The following GAS2 variants were observed in gnomAD, a reference collection of about 807,000 sequenced individuals.
GAS2 encodes the protein growth arrest-specific protein 2.
In GAS2, 20 loss-of-function variants were observed where a neutral mutation model predicts 37.5. The ratio of observed to expected loss-of-function variants is 0.53; its 90% confidence interval spans 0.37 to 0.77. The LOEUF (loss-of-function observed/expected upper bound fraction) is 0.77, where lower values mean the gene tolerates loss of function less well. Among genes scored for constraint, GAS2 ranks in the 30% least tolerant of loss-of-function variants. The pLI is 0.00. For synonymous variants in GAS2, 144 were observed against 132.2 expected (o/e 1.09, Z -0.61); for missense variants, 336 against 373.4 (o/e 0.90, Z 0.82).
At chr11:22,753,591 T>C (rs1433496752) in intron 6 of GAS2, among the ~76,000 whole-genome samples, 1 of 152,064 alleles carries the variant, frequency 6.6e-6, no homozygotes, top group East Asian at 1.9e-4. Context: ...CCAAGCATGA[T>C]CCTCCTAAAG....
chr11:22,774,538 A>G (rs1855153806), intron 7 of GAS2, among the ~76,000 whole-genome samples: 1 of 152,208 alleles, frequency 6.6e-6, no homozygotes, highest in Admixed American at 6.5e-5. Context: ...AACAACTCCT[A>G]GATTTTTTTG....
intron 7 of GAS2, among the ~76,000 whole-genome samples, chr11:22,789,454 A>ATATATTTTT (rs1564889924): frequency 4.9e-5 from 3 of 61,212 alleles, no homozygotes; most frequent in African/African-American, 1.7e-4. Flanking sequence ...ATATATATAT[A>ATATATTTTT]TTCTTTTTTT....
At chr11:22,674,220 T>A (rs928542692) in intron 1 of GAS2, among the ~76,000 whole-genome samples, 13 of 152,048 alleles carry the variant, frequency 8.5e-5, no homozygotes, top group Non-Finnish European at 1.3e-4. Context: ...TTTTTATTTT[T>A]TTTTTTTATT....
chr11:22,748,115 T>C (rs1397265853), intron 5 of GAS2, among the ~76,000 whole-genome samples: 3 of 152,132 alleles, frequency 2.0e-5, no homozygotes, highest in Non-Finnish European at 4.4e-5. Flanking sequence ...AAGTAGATAA[T>C]AGTAGATTAA....
chr11:22,784,342 C>T (rs1485158202), intron 7 of GAS2, among the ~76,000 whole-genome samples: 1 of 152,040 alleles, frequency 6.6e-6, no homozygotes, highest in African/African-American at 2.4e-5. Flanking sequence ...AGAAGGAAAG[C>T]TTTGGATTGA....
chr11:22,661,215 C>T (rs1488963186), intron 1 of GAS2, among the ~76,000 whole-genome samples: 1 of 152,174 alleles, frequency 6.6e-6, no homozygotes, highest in Admixed American at 6.5e-5. Flanking sequence ...ATTGTCTTTA[C>T]AGAGGGATCT....
At chr11:22,773,476 C>G (rs11026786) in intron 7 of GAS2, among the ~76,000 whole-genome samples, 70,002 of 146,812 alleles carry the variant, frequency 0.48, 18,465 homozygotes, top group South Asian at 0.62. Context: ...TCACTGCAAG[C>G]TCCGCCTCCC....
At chr11:22,668,710 C>A (rs1849085948) in intron 1 of GAS2, among the ~76,000 whole-genome samples, 1 of 152,150 alleles carries the variant, frequency 6.6e-6, no homozygotes, top group African/African-American at 2.4e-5. Flanking sequence ...AGAAATCTTA[C>A]TTCAAGACTG....
intron 1 of GAS2, among the ~76,000 whole-genome samples, chr11:22,638,271 A>G (rs761663529): frequency 1.3e-5 from 2 of 152,086 alleles, no homozygotes; most frequent in Non-Finnish European, 2.9e-5. Context: ...ATCTTGTCCA[A>G]TGGAATATTA....
At chr11:22,786,880 C>T (rs1855843140) in intron 7 of GAS2, among the ~76,000 whole-genome samples, 1 of 152,146 alleles carries the variant, frequency 6.6e-6, no homozygotes, top group Non-Finnish European at 1.5e-5. Context: ...ATCTCATTCT[C>T]ATAGTCACTA....
At chr11:22,693,598 A>AT (rs1346540913) in intron 3 of GAS2, among the ~76,000 whole-genome samples, 2 of 152,182 alleles carry the variant, frequency 1.3e-5, no homozygotes, top group Non-Finnish European at 2.9e-5. Flanking sequence ...AAATTATGAC[A>AT]TTTTTTGAGA....
At chr11:22,629,095 G>A (rs558199986) in intron 1 of GAS2, among the ~76,000 whole-genome samples, 8 of 152,018 alleles carry the variant, frequency 5.3e-5, no homozygotes, top group South Asian at 2.1e-4. Flanking sequence ...TGTTGGTTCC[G>A]TATCTTTGCA....
rs1394043395 is a variant in GAS2, at chr11:22,696,457, C to T, written c.267+10668C>T. 2.3e-4 allele frequency among the ~76,000 whole-genome samples: 35 copies of T among 151,926 alleles called. 1 individual carries two copies. The highest frequency in any genetic ancestry group is 8.8e-5 in the Non-Finnish European group (6 of 67,996). ...ATTTATAGTCCTTTGGGTATATACCCAGTAATGAGATGGCTGGGTCAAATG... is the reference window on the plus strand; with the variant it reads ...ATTTATAGTCCTTTGGGTATATACCTAGTAATGAGATGGCTGGGTCAAATG... On this transcript the variant is annotated intron_variant, in intron 3 of 7. Transcript: ENST00000454584.
chr11:22,755,810 T>G (rs1449428673), intron 6 of GAS2, 36 bp from the exon 7 acceptor site: 2 of 1,498,774 alleles, frequency 1.3e-6, no homozygotes, highest in East Asian at 2.3e-5. Context: ...TGCAGCCTAA[T>G]TAAGACAAAT....
chr11:22,746,168 C>T (rs947010293), intron 5 of GAS2, among the ~76,000 whole-genome samples: 2 of 151,982 alleles, frequency 1.3e-5, no homozygotes, highest in African/African-American at 4.8e-5. Flanking sequence ...GGTGACAGAG[C>T]AAGATCATGT....
chr11:22,754,746 G>T (rs1853932574), intron 6 of GAS2, among the ~76,000 whole-genome samples: 1 of 151,878 alleles, frequency 6.6e-6, no homozygotes. Context: ...CACAGTTTTT[G>T]CTTAGAAGGC....
At chr11:22,798,469 G>C (rs934419733) in intron 7 of GAS2, among the ~76,000 whole-genome samples, 1 of 151,952 alleles carries the variant, frequency 6.6e-6, no homozygotes, top group Non-Finnish European at 1.5e-5. Flanking sequence ...AAACAAATAG[G>C]AGCTTCTGCT....
At chr11:22,686,861 C>A (rs1001055327) in intron 3 of GAS2, among the ~76,000 whole-genome samples, 3 of 152,062 alleles carry the variant, frequency 2.0e-5, no homozygotes, top group African/African-American at 7.2e-5. Context: ...TGTATTACCA[C>A]TGAATTTATT....
intron 4 of GAS2, among the ~76,000 whole-genome samples, chr11:22,737,329 T>C (rs1852806653): frequency 6.6e-6 from 1 of 152,150 alleles, no homozygotes; most frequent in African/African-American, 2.4e-5. Context: ...TAGTTGTGAT[T>C]TGTGTTTTTA....
Sources: allele counts gnomAD v4.1 joint callset (sites outside exome capture counted in the v4.1 genomes callset), GRCh38; gene constraint gnomAD v4.1.1; transcripts MANE v1.5; gene names NCBI Gene and HGNC (gene_info 2026-07-23, HGNC 2026-07-21).